The following MYO1D variants were observed in gnomAD, a reference collection of about 807,000 sequenced individuals.
MYO1D encodes the protein unconventional myosin-Id.
MYO1D carries 83 observed loss-of-function variants against 122.0 expected under a neutral mutation model. The ratio of observed to expected loss-of-function variants is 0.68; its 90% CI spans 0.57 to 0.82. MYO1D has a LOEUF of 0.82. Among genes scored for constraint, MYO1D ranks in the 40% least tolerant of loss-of-function variants. The pLI is 0.00. For missense variants in MYO1D, 1,157 were observed against 1,269.5 expected, an observed-to-expected ratio of 0.91 and a Z score of 1.35; for synonymous variants, 464 against 446.9, an observed-to-expected ratio of 1.04 and a Z score of -0.48.
chr17:32,866,012 C>T (rs2091120858), intron 1 of MYO1D, among the ~76,000 whole-genome samples: 1 of 152,198 alleles, frequency 6.6e-6, no homozygotes, highest in Non-Finnish European at 1.5e-5. Flanking sequence ...TAGGGTCTCT[C>T]TTTTTATTTT....
intron 14 of MYO1D, among the ~76,000 whole-genome samples, chr17:32,733,620 A>C (rs1280614642): frequency 6.6e-6 from 1 of 152,148 alleles, no homozygotes; most frequent in Non-Finnish European, 1.5e-5. Flanking sequence ...TCCTTATTAG[A>C]TACCCTACTT....
At chr17:32,718,781 C>A (rs888324855) in intron 15 of MYO1D, among the ~76,000 whole-genome samples, 19 of 152,158 alleles carry the variant, frequency 1.2e-4, no homozygotes, top group African/African-American at 4.6e-4. Flanking sequence ...TTGGTTGCTG[C>A]TTCTCTTATC....
In MYO1D at chr17:32,759,160, G is replaced by A. The variant is rs115427750; in HGVS notation, c.1296+1130C>T. On this transcript the variant is annotated intron_variant, in intron 10 of 21. Coordinates refer to ENST00000318217, the MANE Select transcript of MYO1D (RefSeq NM_015194.3). Reference sequence around the variant, plus strand: ...GAATTAAATTTTAATTGTATTAGGAGAGTTCATTATTTAAGTCAAACTATA... The same window carrying A: ...GAATTAAATTTTAATTGTATTAGGAAAGTTCATTATTTAAGTCAAACTATA... 3.7e-3 allele frequency among the ~76,000 whole-genome samples: 558 copies of A among 152,188 alleles called. 3 individuals carry two copies. Among genetic ancestry groups the A allele is most frequent in the African/African-American group, 0.013 (520 of 41,536 alleles).
intron 1 of MYO1D, among the ~76,000 whole-genome samples, chr17:32,860,716 G>GA (rs1475969360): frequency 6.6e-5 from 10 of 152,156 alleles, no homozygotes; most frequent in Non-Finnish European, 1.5e-4. Context: ...ACAAAGCTAG[G>GA]AGACAGATTT....
intron 16 of MYO1D, among the ~76,000 whole-genome samples, chr17:32,666,090 G>C (rs1346223665): frequency 6.6e-6 from 1 of 152,192 alleles, no homozygotes; most frequent in African/African-American, 2.4e-5. Context: ...CTATCAGAAT[G>C]AGGCTGAGGT....
At chr17:32,803,006 G>A (rs1204201174) in intron 1 of MYO1D, among the ~76,000 whole-genome samples, 1 of 152,174 alleles carries the variant, frequency 6.6e-6, no homozygotes, top group Non-Finnish European at 1.5e-5. Context: ...GCAAAGATAA[G>A]TGGAAAAGGA....
intron 16 of MYO1D, among the ~76,000 whole-genome samples, chr17:32,661,805 AT>A (rs1033638083): frequency 2.6e-5 from 4 of 152,156 alleles, no homozygotes; most frequent in Admixed American, 2.6e-4. Flanking sequence ...TAGTTAAAGT[AT>A]GTTTACATTA....
chr17:32,582,599 A>T (rs1343100801), intron 21 of MYO1D, among the ~76,000 whole-genome samples: 1 of 152,198 alleles, frequency 6.6e-6, no homozygotes, highest in African/African-American at 2.4e-5. Context: ...TATGCACTTG[A>T]AAAGAATGTG....
At chr17:32,874,304 C>CTCTCTCTCTCTCTCTCTGTGTCTCTG (rs6146033) in intron 1 of MYO1D, among the ~76,000 whole-genome samples, 1 of 149,168 alleles carries the variant, frequency 6.7e-6, no homozygotes, top group Non-Finnish European at 1.5e-5. Flanking sequence ...GTCTCTGTCT[C>CTCTCTCTCTCTCTCTCTGTGTCTCTG]TCTCTCTCTC....
intron 20 of MYO1D, among the ~76,000 whole-genome samples, chr17:32,636,078 T>C (rs2088095103): frequency 6.6e-6 from 1 of 152,198 alleles, no homozygotes; most frequent in Admixed American, 6.5e-5. Flanking sequence ...TCCCACCATT[T>C]AACTGTGGAT....
At chr17:32,632,087 A>G (rs930035158) in intron 20 of MYO1D, among the ~76,000 whole-genome samples, 2 of 152,118 alleles carry the variant, frequency 1.3e-5, no homozygotes, top group Non-Finnish European at 2.9e-5. Flanking sequence ...CTTGCACCCA[A>G]TTATAGCTCC....
intron 16 of MYO1D, among the ~76,000 whole-genome samples, chr17:32,671,447 G>A (rs1180339918): frequency 2.6e-5 from 4 of 152,222 alleles, no homozygotes; most frequent in Admixed American, 6.5e-5. Flanking sequence ...ACATTTGGGC[G>A]CTGGGGCGAA....
intron 1 of MYO1D, among the ~76,000 whole-genome samples, chr17:32,786,623 C>G (rs1428973794): frequency 6.6e-6 from 1 of 152,206 alleles, no homozygotes. Context: ...AGTTTGAGAC[C>G]AGCCTGGCCA....
rs2088521823 is a variant in MYO1D at position 32,659,275 on chromosome 17, T to C, written c.2185A>G (p.Arg729Gly). 6.2e-7 allele frequency: 1 copy of C among 1,614,226 alleles called. No homozygotes were observed. Among genetic ancestry groups the C allele is most frequent in the Non-Finnish European group, 8.5e-7 (1 of 1,180,042 alleles). Residue 729 changes from arginine (R) to glycine (G), a missense_variant, in exon 17 of 22, where the codon AGG (arginine) becomes GGG (glycine). Transcript: ENST00000318217. ...TTCACTTTGTAGCGCCGGTAGTACC[T>C]GATTATTGTCAGAGCTGCCTTGGTT... is the stretch of plus-strand genomic sequence containing the variant. The part of the protein sequence containing the change: ...KRTKAALTII[R>G]YYRRYKVKSY...
intron 21 of MYO1D, chr17:32,594,696 C>T: frequency 2.3e-6 from 1 of 432,076 alleles, no homozygotes; most frequent in East Asian, 3.3e-5. Flanking sequence ...GACATCTATT[C>T]AGTTCTGATG....
intron 1 of MYO1D, among the ~76,000 whole-genome samples, chr17:32,798,273 C>A (rs2090434756): frequency 6.6e-6 from 1 of 152,248 alleles, no homozygotes; most frequent in Non-Finnish European, 1.5e-5. Context: ...ACCTTGTCTG[C>A]TGGCTCTCCT....
intron 1 of MYO1D, among the ~76,000 whole-genome samples, chr17:32,820,813 T>C (rs1191709698): frequency 6.6e-6 from 1 of 152,266 alleles, no homozygotes; most frequent in Admixed American, 6.5e-5. Flanking sequence ...TATACCTATA[T>C]CAAAACATCA....
At chr17:32,736,874 G>T (rs542408522) in intron 14 of MYO1D, among the ~76,000 whole-genome samples, 14 of 152,216 alleles carry the variant, frequency 9.2e-5, no homozygotes, top group Non-Finnish European at 7.3e-5. Context: ...AAGAAAAGCT[G>T]AGATACAAGA....
intron 12 of MYO1D, among the ~76,000 whole-genome samples, chr17:32,748,016 T>G (rs1295661833): frequency 6.6e-6 from 1 of 152,072 alleles, no homozygotes; most frequent in African/African-American, 2.4e-5. Flanking sequence ...GTGGCCCTGC[T>G]GACATCTTGA....
Sources: allele counts gnomAD v4.1 joint callset (sites outside exome capture counted in the v4.1 genomes callset), GRCh38; gene constraint gnomAD v4.1.1; transcripts MANE v1.5; gene names NCBI Gene and HGNC (gene_info 2026-07-23, HGNC 2026-07-21).